The following CDK14 variants were observed in gnomAD, a reference collection of about 807,000 sequenced individuals.
The protein encoded by CDK14 is cyclin dependent kinase 14.
In CDK14, 34 loss-of-function variants were observed where a neutral mutation model predicts 60.7. The ratio of observed to expected loss-of-function variants is 0.56; its 90% CI spans 0.43 to 0.75. The LOEUF is 0.75. Among genes scored for constraint, CDK14 ranks in the 30% least tolerant of loss-of-function variants. The pLI, the probability that CDK14 is intolerant of heterozygous loss-of-function variation, is 0.00. For synonymous variants in CDK14, 197 were observed against 203.7 expected (o/e 0.97, Z 0.28); for missense variants, 482 against 564.1 (o/e 0.85, Z 1.47).
intron 11 of CDK14, among the ~76,000 whole-genome samples, chr7:91,067,790 C>A (rs1442041507): frequency 6.6e-6 from 1 of 152,146 alleles, no homozygotes; most frequent in Non-Finnish European, 1.5e-5. Context: ...ATTAGCATAT[C>A]CTGTCAAGCT....
At chr7:91,037,156 T>C (rs1796955487) in intron 10 of CDK14, among the ~76,000 whole-genome samples, 1 of 152,244 alleles carries the variant, frequency 6.6e-6, no homozygotes, top group African/African-American at 2.4e-5. Flanking sequence ...GACTTTATGT[T>C]TATAGCTATC....
At chr7:91,002,403 T>G (rs1795865440) in intron 10 of CDK14, among the ~76,000 whole-genome samples, 1 of 152,220 alleles carries the variant, frequency 6.6e-6, no homozygotes, top group Non-Finnish European at 1.5e-5. Context: ...ATGTTCTGAA[T>G]GTATTACCTC....
In CDK14 at chr7:91,029,573, TCTCTC is replaced by T. The variant is rs143062382; in HGVS notation, c.1042-16290_1042-16286del. 6.7e-3 allele frequency among the ~76,000 whole-genome samples: 869 copies of T among 130,176 alleles called. 10 individuals carry two copies. Among genetic ancestry groups the T allele is most frequent in the African/African-American group, 0.02 (708 of 35,236 alleles). The allele number at this position is 130,176 out of a possible 152,430, so 85.4% of individuals were successfully genotyped here. On this transcript the variant is annotated intron_variant, in intron 10 of 14. Transcript: ENST00000380050. ...GTGTGTTCCTGAATGGGCTTCCTTC[TCTCTC>T]CTCTCCTCTCCTCTCCTCTCCTCTC...
At chr7:90,626,926 G>T (rs1428577806) in intron 2 of CDK14, among the ~76,000 whole-genome samples, 1 of 151,286 alleles carries the variant, frequency 6.6e-6, no homozygotes, top group Non-Finnish European at 1.5e-5. Flanking sequence ...GTGATAGAAT[G>T]AGACCCTGTC....
intron 8 of CDK14, among the ~76,000 whole-genome samples, chr7:90,921,501 G>A (rs577635468): frequency 2.6e-5 from 4 of 151,684 alleles, no homozygotes; most frequent in Non-Finnish European, 5.9e-5. Flanking sequence ...TGGAAGTTCC[G>A]TGAAGGCGGG....
chr7:91,048,008 C>T (rs1162632045), intron 11 of CDK14, among the ~76,000 whole-genome samples: 1 of 152,112 alleles, frequency 6.6e-6, no homozygotes, highest in African/African-American at 2.4e-5. Flanking sequence ...TGATTTACCC[C>T]GAAGTGTGCC....
chr7:90,702,701 A>AT (rs1215757492), intron 2 of CDK14, among the ~76,000 whole-genome samples: 1 of 152,026 alleles, frequency 6.6e-6, no homozygotes, highest in Non-Finnish European at 1.5e-5. Flanking sequence ...CCTGCTTCCT[A>AT]TTTTATTTCT....
chr7:90,702,094 C>T (rs1330044994), intron 2 of CDK14, among the ~76,000 whole-genome samples: 2 of 152,154 alleles, frequency 1.3e-5, no homozygotes, highest in African/African-American at 4.8e-5. Flanking sequence ...CCTCCTTAGA[C>T]TGCAGTGGAT....
chr7:91,199,394 CTA>C (rs897411685), intron 14 of CDK14, among the ~76,000 whole-genome samples: 1 of 151,940 alleles, frequency 6.6e-6, no homozygotes, highest in Admixed American at 6.6e-5. Context: ...GTACTTTTCC[CTA>C]TGTTTGTTTT....
intron 2 of CDK14, among the ~76,000 whole-genome samples, chr7:90,616,466 T>G (rs1204254285): frequency 6.6e-6 from 1 of 152,174 alleles, no homozygotes; most frequent in African/African-American, 2.4e-5. Context: ...AGTGCCTGAT[T>G]CTCTTCTCTT....
intron 3 of CDK14, among the ~76,000 whole-genome samples, chr7:90,729,816 T>C (rs1416870880): frequency 1.3e-5 from 2 of 152,076 alleles, no homozygotes; most frequent in Admixed American, 1.3e-4. Flanking sequence ...CAGGATGCTA[T>C]AATATCCTGT....
At chr7:90,669,861 CA>C (rs1405559199) in intron 2 of CDK14, among the ~76,000 whole-genome samples, 2 of 152,076 alleles carry the variant, frequency 1.3e-5, no homozygotes, top group African/African-American at 4.8e-5. Flanking sequence ...ATGACAAATG[CA>C]AGAATTGATA....
At chr7:90,791,888 G>T (rs11971019) in intron 5 of CDK14, among the ~76,000 whole-genome samples, 23,265 of 145,354 alleles carry the variant, frequency 0.16, 1,924 homozygotes, top group Middle Eastern at 0.25. Context: ...GGAGTTTCAG[G>T]ACAGGAAAGG....
rs1273739468 is a variant in CDK14, at chr7:90,725,960, T to TA, written c.124-606dup. 3.9e-5 allele frequency among the ~76,000 whole-genome samples: 6 copies of TA among 152,288 alleles called. No individual in the cohort carries two copies. The East Asian group carries it at 1.2e-3, about 29-fold the overall frequency. On this transcript the variant is annotated intron_variant, in intron 2 of 14. Transcript: ENST00000380050. The stretch of plus-strand genomic sequence containing the variant: ...TTTCTTTTACAATGTTATTTCTTTT[T>TA]ATCCATTAGCTTTGAAATAAAGGAA...
At chr7:91,195,896 G>C (rs1433439896) in intron 14 of CDK14, among the ~76,000 whole-genome samples, 1 of 152,128 alleles carries the variant, frequency 6.6e-6, no homozygotes, top group Admixed American at 6.5e-5. Context: ...CTACCTTTCA[G>C]CTTTTCCTGT....
chr7:90,957,757 C>A (rs936167778), intron 9 of CDK14, among the ~76,000 whole-genome samples: 3 of 151,852 alleles, frequency 2.0e-5, no homozygotes, highest in Non-Finnish European at 4.4e-5. Flanking sequence ...GAATCAATAT[C>A]GTGAAAATGG....
Position 90,835,110 on chromosome 7 carries a change from G to C in CDK14, c.545-28065G>C, listed in dbSNP as rs1008071243. Among the ~76,000 whole-genome samples, 27 of 152,256 alleles carry C rather than the reference G, an allele frequency of 1.8e-4. 1 individual carries two copies. The highest frequency in any genetic ancestry group is 6.5e-4 in the African/African-American group (27 of 41,550). On this transcript the variant is annotated intron_variant, in intron 5 of 14. Coordinates refer to ENST00000380050, the MANE Select transcript of CDK14 (RefSeq NM_001287135.2). Reference sequence around the variant, plus strand: ...GGACAAAGTAAACAAGAAGATAAAGGCATTGAAAAAGGAGAAAATAATCTG... The same window carrying C: ...GGACAAAGTAAACAAGAAGATAAAGCCATTGAAAAAGGAGAAAATAATCTG...
At chr7:90,782,451 T>C (rs1352196879) in intron 4 of CDK14, among the ~76,000 whole-genome samples, 3 of 152,144 alleles carry the variant, frequency 2.0e-5, no homozygotes, top group African/African-American at 7.2e-5. Flanking sequence ...TTCCAAAATT[T>C]AAACATACTT....
At chr7:90,684,789 C>T (rs1186136230) in intron 2 of CDK14, among the ~76,000 whole-genome samples, 3 of 152,108 alleles carry the variant, frequency 2.0e-5, no homozygotes, top group African/African-American at 7.2e-5. Context: ...GTCCGTCCAT[C>T]CATCCATCCA....
Sources: allele counts gnomAD v4.1 joint callset (sites outside exome capture counted in the v4.1 genomes callset), GRCh38; gene constraint gnomAD v4.1.1; transcripts MANE v1.5; gene names NCBI Gene and HGNC (gene_info 2026-07-23, HGNC 2026-07-21).